The following AIFM1 variants were observed in gnomAD, a reference collection of about 807,000 sequenced individuals.
AIFM1 encodes apoptosis inducing factor mitochondria associated 1.
AIFM1 carries 3 observed loss-of-function variants against 51.7 expected under a neutral mutation model. The ratio of observed to expected loss-of-function variants is 0.06; its 90% CI spans 0.03 to 0.15. The LOEUF is 0.15. Among genes scored for constraint, AIFM1 ranks in the 10% least tolerant of loss-of-function variants. AIFM1 has a pLI of 1.00. For synonymous variants in AIFM1, 178 were observed against 179.4 expected (o/e 0.99, Z 0.06); for missense variants, 330 against 476.8 (o/e 0.69, Z 2.87).
chrX:130,137,614 AAAG>A (rs1372857298), intron 9 of AIFM1: 3 of 1,129,477 alleles, frequency 2.7e-6, no homozygotes, highest in Non-Finnish European at 3.5e-6. Flanking sequence ...TCATGTGCCC[AAAG>A]AAGTTTTTGG....
chrX:130,145,938 A>G (rs1439787198), intron 5 of AIFM1, among the ~76,000 whole-genome samples: 2 of 111,888 alleles, frequency 1.8e-5, no homozygotes, highest in Non-Finnish European at 3.8e-5. Context: ...CCAAATGTCA[A>G]TAGTGCTGAG....
In AIFM1 at chrX:130,147,517, T is replaced by C. The variant is rs2030798300; in HGVS notation, c.581A>G (p.Lys194Arg). The stretch of plus-strand genomic sequence containing the variant: ...CCTTCTCTCTTTTCCATTCCACTGT[T>C]TGAATCGCAGTGTCTTTGTGACATT... ...DPNVTKTLRF[K>R]QWNGKERSIY... The change falls in exon 5 of 16, where the codon AAA becomes AGA. Residue 194 changes from lysine (K) to arginine (R), a missense_variant. By Grantham distance (26) the Lys-to-Arg change is conservative (BLOSUM62 2). Coordinates refer to ENST00000287295, the MANE Select transcript of AIFM1 (RefSeq NM_004208.4). 8.3e-7 allele frequency: 1 copy of C among 1,210,582 alleles called. No homozygotes were observed. The highest frequency in any genetic ancestry group is 1.1e-6 in the Non-Finnish European group (1 of 895,390).
chrX:130,132,127 C>T (rs1275693577), intron 13 of AIFM1, among the ~76,000 whole-genome samples: 1 of 111,715 alleles, frequency 9.0e-6, no homozygotes, highest in Non-Finnish European at 1.9e-5. Context: ...CCGCCTTGGC[C>T]TCCCAAAGTG....
chrX:130,137,617 G>T, intron 9 of AIFM1: 1 of 1,129,150 alleles, frequency 8.9e-7, no homozygotes, highest in Non-Finnish European at 1.2e-6. Flanking sequence ...TGTGCCCAAA[G>T]AAGTTTTTGG....
intron 1 of AIFM1, among the ~76,000 whole-genome samples, chrX:130,161,685 G>A (rs1287607087): frequency 7.0e-5 from 7 of 99,432 alleles, no homozygotes; most frequent in South Asian, 5.3e-4. Context: ...TCGGTTCACC[G>A]CAACCTCCAC....
At chrX:130,138,564 G>GA in intron 9 of AIFM1, 29 bp downstream of exon 9, 8 of 1,070,251 alleles carry the variant, frequency 7.5e-6, no homozygotes, top group Non-Finnish European at 1.0e-5. Context: ...ACTAGAGAAA[G>GA]AAAATCAAGG....
rs890938805 is a variant in AIFM1, at chrX:130,147,817, T to C, written c.409A>G (p.Ile137Val). Residue 137 changes from isoleucine (I) to valine (V), a missense_variant, in exon 4 of 16, where the codon ATT (isoleucine) becomes GTT (valine). Coordinates refer to ENST00000287295, the MANE Select transcript of AIFM1 (RefSeq NM_004208.4). ...KAPSHVPFLLIGGGTAAFAAA... is the reference protein window; with the variant it reads ...KAPSHVPFLLVGGGTAAFAAA... ...GCAAAAGCAGCTGTGCCTCCACCAA[T>C]TAGCAGGAAAGGAACATGACTTGGC... 3 of 1,210,357 alleles carry C rather than the reference T, an allele frequency of 2.5e-6. No individual in the cohort carries two copies. The highest frequency in any genetic ancestry group is 3.4e-6 in the Non-Finnish European group (3 of 895,380).
chrX:130,150,326 CTTTTTTTT>C (rs755785211), intron 2 of AIFM1, among the ~76,000 whole-genome samples: 2 of 61,648 alleles, frequency 3.2e-5, no homozygotes, highest in Non-Finnish European at 6.2e-5. Flanking sequence ...TTATTGGAGA[CTTTTTTTT>C]TTTTTTTTTT....
In AIFM1 at chrX:130,129,985, C is replaced by T; in HGVS notation, c.1755G>A (p.Met585Ile). Reference protein sequence around the residue: ...GIVLWNIFNRMPIARKIIKDG... With the variant: ...GIVLWNIFNRIPIARKIIKDG... ...AGGCACCTACCTTCCTTGCTATTGG[C>T]ATTCGGTTAAAGATGTTCCATAGCA... The change falls in exon 15 of 16, where the codon ATG becomes ATA. Residue 585 changes from methionine (M) to isoleucine (I), a missense_variant. By Grantham distance (10) the Met-to-Ile change is conservative. Coordinates refer to ENST00000287295, the MANE Select transcript of AIFM1 (RefSeq NM_004208.4). 1 of 1,211,805 alleles carries T rather than the reference C, an allele frequency of 8.3e-7. No homozygotes were observed. Among genetic ancestry groups the T allele is most frequent in the Non-Finnish European group, 1.1e-6 (1 of 895,465 alleles).
chrX:130,149,993 G>T (rs965099591), intron 2 of AIFM1, among the ~76,000 whole-genome samples: 3 of 111,917 alleles, frequency 2.7e-5, no homozygotes, highest in African/African-American at 9.8e-5. Flanking sequence ...GTAGGAAGCT[G>T]GGACATAAGT....
At chrX:130,137,336 T>C (rs2030389054) in intron 9 of AIFM1, 151 bp from the exon 10 acceptor site, 1 of 1,165,237 alleles carries the variant, frequency 8.6e-7, no homozygotes, top group South Asian at 1.9e-5. Context: ...ACAGTGGGCA[T>C]GAGGGCCTCG....
Position 130,147,783 on chromosome X carries a change from C to A in AIFM1, c.443G>T (p.Arg148Ile). Residue 148 changes from arginine to isoleucine, a missense_variant, in exon 4 of 16, where the codon AGA becomes ATA. Around this residue, in one of 4 missense-constraint regions of AIFM1, gnomAD observed 152 missense variants for 292.8 expected, o/e 0.52. Transcript: ENST00000287295. ...CCCAGGATCCCGAGCCCGGATGGAT[C>A]TGGCTGCAGCAAAAGCAGCTGTGCC... ...GGGTAAFAAA[R>I]SIRARDPGAR... is the part of the protein sequence containing the mutation. 1.6e-6 allele frequency: 2 copies of A among 1,212,226 alleles called. No individual in the cohort carries two copies. The highest frequency in any genetic ancestry group is 1.1e-6 in the Non-Finnish European group (1 of 895,646).
chrX:130,163,413 A>G (rs779150112), intron 1 of AIFM1, among the ~76,000 whole-genome samples: 2 of 112,014 alleles, frequency 1.8e-5, no homozygotes, highest in South Asian at 3.7e-4. Context: ...ATGCTACTAC[A>G]TGAAAAAGAA....
At chrX:130,152,137 AAAAAAAG>A (rs2031007524) in intron 2 of AIFM1, among the ~76,000 whole-genome samples, 1 of 111,717 alleles carries the variant, frequency 9.0e-6, no homozygotes, top group African/African-American at 3.3e-5. Flanking sequence ...AAAGAAAAGA[AAAAAAAG>A]AAAAGTTTTA....
At chrX:130,137,860 C>G (rs773170295) in intron 9 of AIFM1, 2 of 525,716 alleles carry the variant, frequency 3.8e-6, no homozygotes, top group African/African-American at 5.1e-5. Flanking sequence ...GTTGGGAGTT[C>G]AAGACCAGCC....
rs2031507701 is a variant in AIFM1 at position 130,165,641 on chromosome X, C to G, written c.16G>C (p.Gly6Arg). MFRCGGLAAGALKQKL... is the reference protein window; with the variant it reads MFRCGRLAAGALKQKL... ...TGCTTCAAAGCACCCGCCGCCAGGC[C>G]TCCACACCGGAACATTTCGGCGACC... The change falls in exon 1 of 16, where the codon GGC becomes CGC. Residue 6 changes from glycine to arginine, a missense_variant. Gly to Arg is a moderately radical substitution (Grantham distance 125). Coordinates refer to ENST00000287295, the MANE Select transcript of AIFM1 (RefSeq NM_004208.4). 1 of 1,198,710 alleles carries G rather than the reference C, an allele frequency of 8.3e-7. No individual in the cohort carries two copies. The highest frequency in any genetic ancestry group is 1.7e-5 in the African/African-American group (1 of 57,237).
At chrX:130,160,325 A>T (rs2031306831) in intron 1 of AIFM1, among the ~76,000 whole-genome samples, 2 of 111,425 alleles carry the variant, frequency 1.8e-5, no homozygotes, top group African/African-American at 6.5e-5. Flanking sequence ...TGTCTTACTA[A>T]CATGGAAAAG....
At chrX:130,136,415 ACT>A (rs768095384) in intron 11 of AIFM1, among the ~76,000 whole-genome samples, 1 of 112,053 alleles carries the variant, frequency 8.9e-6, no homozygotes, top group Admixed American at 9.5e-5. Flanking sequence ...AGGACTCAAA[ACT>A]CTGTGAGACA....
chrX:130,158,802 T>G (rs1024310321), intron 1 of AIFM1, among the ~76,000 whole-genome samples: 2 of 110,437 alleles, frequency 1.8e-5, no homozygotes, highest in Admixed American at 9.7e-5. Flanking sequence ...TGGACAAGCT[T>G]AGTCTAGAGG....
Sources: allele counts gnomAD v4.1 joint callset (sites outside exome capture counted in the v4.1 genomes callset), GRCh38; gene constraint gnomAD v4.1.1; regional missense constraint gnomAD v4.1.1; transcripts MANE v1.5; gene names NCBI Gene and HGNC (gene_info 2026-07-23, HGNC 2026-07-21).